The following PIGL variants were observed in gnomAD, a reference collection of about 807,000 sequenced individuals.
PIGL encodes the protein phosphatidylinositol glycan anchor biosynthesis class L.
Under a neutral mutation model 31.1 loss-of-function variants are expected in PIGL, and 22 were observed. The ratio of observed to expected loss-of-function variants is 0.71; its 90% CI spans 0.51 to 1.01. The LOEUF (loss-of-function observed/expected upper bound fraction) is 1.01. Ranked by LOEUF, PIGL falls within the 50% of genes least tolerant of loss-of-function variation. PIGL has a pLI of 0.00. For missense variants in PIGL, 302 were observed against 315.9 expected (o/e 0.96, Z 0.33); for synonymous variants, 131 against 117.4 (o/e 1.12, Z -0.75).
chr17:16,242,174 C>G (rs1247424460), intron 2 of PIGL, among the ~76,000 whole-genome samples: 2 of 152,068 alleles, frequency 1.3e-5, no homozygotes, highest in Non-Finnish European at 2.9e-5. Context: ...CCACCTCAGC[C>G]TCCTAAGTAG....
intron 2 of PIGL, among the ~76,000 whole-genome samples, chr17:16,243,138 C>T (rs1295608185): frequency 6.6e-6 from 1 of 152,158 alleles, no homozygotes; most frequent in South Asian, 2.1e-4. Context: ...GCAACCTCCA[C>T]CTCTCGGGTT....
intron 6 of PIGL, among the ~76,000 whole-genome samples, chr17:16,322,686 G>A (rs950707823): frequency 1.3e-5 from 2 of 152,100 alleles, no homozygotes; most frequent in Non-Finnish European, 2.9e-5. Flanking sequence ...AAATTCATTT[G>A]TAACTCCAAA....
At chr17:16,217,678 T>C (rs1431521531) in intron 1 of PIGL, 2 of 552,874 alleles carry the variant, frequency 3.6e-6, no homozygotes, top group Non-Finnish European at 6.5e-6. Context: ...GCCAGCAGGA[T>C]TGAGGAGCAG....
At chr17:16,322,453 T>TA (rs937778210) in intron 6 of PIGL, among the ~76,000 whole-genome samples, 11 of 150,302 alleles carry the variant, frequency 7.3e-5, no homozygotes, top group East Asian at 1.9e-4. Context: ...TTTCAATCTT[T>TA]AAAAAAAAAA....
At chr17:16,291,545 A>G (rs1337669453) in intron 2 of PIGL, among the ~76,000 whole-genome samples, 1 of 145,336 alleles carries the variant, frequency 6.9e-6, no homozygotes, top group Non-Finnish European at 1.5e-5. Flanking sequence ...AATTATATGG[A>G]TTTTTCAGGG....
In PIGL at chr17:16,303,718, T is replaced by C. The variant is rs1600845585; in HGVS notation, c.426+3740T>C. On this transcript the variant is annotated intron_variant, in intron 3 of 6. Coordinates refer to ENST00000225609, the MANE Select transcript of PIGL (RefSeq NM_004278.4). ...CACGCCCAGCTCATTTTTGTATTTT[T>C]TTTTTTCTTTTTTTGAGACAGAGTC... 2.6e-5 allele frequency among the ~76,000 whole-genome samples: 4 copies of C among 151,370 alleles called. No homozygotes were observed. The South Asian group carries it at 8.4e-4, about 32-fold the overall frequency.
intron 6 of PIGL, among the ~76,000 whole-genome samples, chr17:16,320,224 AGG>A (rs1239746777): frequency 3.7e-5 from 4 of 107,606 alleles, no homozygotes; most frequent in African/African-American, 1.1e-4. Flanking sequence ...GAAGGAAGGA[AGG>A]AAGGAAGGAA....
intron 2 of PIGL, among the ~76,000 whole-genome samples, chr17:16,267,952 G>T (rs1342766052): frequency 6.6e-6 from 1 of 152,144 alleles, no homozygotes; most frequent in African/African-American, 2.4e-5. Context: ...CAGACAAAGA[G>T]CAGACTCTTT....
intron 2 of PIGL, among the ~76,000 whole-genome samples, chr17:16,235,823 C>G (rs2092697718): frequency 7.7e-6 from 1 of 130,508 alleles, no homozygotes; most frequent in Admixed American, 9.1e-5. Context: ...AAGAATATTT[C>G]ATAGGCTGTA....
intron 2 of PIGL, among the ~76,000 whole-genome samples, chr17:16,281,681 GT>G (rs1340208915): frequency 1.3e-5 from 2 of 152,210 alleles, no homozygotes; most frequent in Non-Finnish European, 2.9e-5. Flanking sequence ...TTAATGCTTA[GT>G]TCCTTGCCTA....
At position 16,313,547 on chromosome 17, in the gene PIGL, G is replaced by T; in HGVS notation, c.427G>T (p.Val143Leu). 3.7e-6 allele frequency: 6 copies of T among 1,612,456 alleles called. No individual in the cohort carries two copies. The highest frequency in any genetic ancestry group is 5.1e-6 in the Non-Finnish European group (6 of 1,178,430). ...QHIEVNGINL[V>L]VTFDAGGVSG... Reference sequence around the variant, plus strand: ...GTGAAAACCCTGTGTTTCTCTACAGGTGGTGACTTTCGATGCAGGGGGAGT... The same window carrying T: ...GTGAAAACCCTGTGTTTCTCTACAGTTGGTGACTTTCGATGCAGGGGGAGT... Residue 143 changes from valine (V) to leucine (L), a missense_variant and splice_region_variant, in exon 4 of 7, where the codon GTG (valine) becomes TTG (leucine). Physicochemically the swap from Val to Leu is conservative, Grantham distance 32 (BLOSUM62 1). Transcript: ENST00000225609.
At chr17:16,229,858 A>ATTC (rs774737279) in intron 1 of PIGL, among the ~76,000 whole-genome samples, 1 of 97,700 alleles carries the variant, frequency 1.0e-5, no homozygotes, top group African/African-American at 4.3e-5. Context: ...TAAAGTCATG[A>ATTC]TTTTTTTTTT....
chr17:16,264,789 G>A (rs539114564), intron 2 of PIGL, among the ~76,000 whole-genome samples: 16 of 151,340 alleles, frequency 1.1e-4, no homozygotes, highest in African/African-American at 2.9e-4. Context: ...TGGGATTACA[G>A]GTGCCCACCA....
In PIGL at chr17:16,246,672, C is replaced by CTTTTTTTTTTTT. The variant is rs1197171634; in HGVS notation, c.335+12615_335+12626dup. On this transcript the variant is annotated intron_variant, in intron 2 of 6. Transcript: ENST00000225609. ...GCAGGCTAGAAGTCCAGATCAAGGT[C>CTTTTTTTTTTTT]TTTTTTTTTTTTTTTTTTTTTTTTG... 4.7e-3 allele frequency among the ~76,000 whole-genome samples: 300 copies of CTTTTTTTTTTTT among 64,168 alleles called. 68 individuals are homozygous for CTTTTTTTTTTTT. Among genetic ancestry groups the CTTTTTTTTTTTT allele is most frequent in the African/African-American group, 8.8e-3 (154 of 17,428 alleles). 42.1% of individuals were successfully genotyped at this position (64,168 alleles called of 152,430 possible).
rs1240655455 is a variant in PIGL, at chr17:16,264,319, T to C, written c.335+30249T>C. 2.6e-5 allele frequency among the ~76,000 whole-genome samples: 4 copies of C among 151,886 alleles called. No homozygotes were observed. The South Asian group carries it at 8.3e-4, about 32-fold the overall frequency. On this transcript the variant is annotated intron_variant, in intron 2 of 6. Coordinates refer to ENST00000225609, the MANE Select transcript of PIGL (RefSeq NM_004278.4). The stretch of plus-strand genomic sequence containing the variant: ...CTCTGGGTATGGCCTTAATCTTTTG[T>C]ATTTTTAGTAGAGACGAGGTTTCAC...
chr17:16,252,735 TTGA>T (rs1338388364), intron 2 of PIGL, among the ~76,000 whole-genome samples: 1 of 152,176 alleles, frequency 6.6e-6, no homozygotes, highest in Non-Finnish European at 1.5e-5. Context: ...AATATTTTAT[TTGA>T]TAAGTTCAAA....
intron 2 of PIGL, among the ~76,000 whole-genome samples, chr17:16,266,682 G>A (rs995029595): frequency 7.2e-5 from 11 of 151,738 alleles, no homozygotes; most frequent in Non-Finnish European, 1.2e-4. Context: ...TGCAAGCTCC[G>A]CGTCCCAGGT....
intron 2 of PIGL, among the ~76,000 whole-genome samples, chr17:16,259,610 A>G (rs1201977119): frequency 6.6e-6 from 1 of 152,230 alleles, no homozygotes; most frequent in East Asian, 1.9e-4. Context: ...TATAAAGACT[A>G]AAACTATAAA....
chr17:16,313,504 T>C (rs967415729), intron 3 of PIGL, 43 bp from the exon 4 acceptor site: 9 of 1,380,272 alleles, frequency 6.5e-6, no homozygotes, highest in Non-Finnish European at 9.3e-6. Flanking sequence ...GAAGTTGAGG[T>C]GGTGGAGAAG....
Sources: gnomAD v4.1 joint callset for allele counts (sites outside exome capture counted in the v4.1 genomes callset) on GRCh38, gnomAD v4.1.1 for gene constraint, MANE v1.5 for transcripts, NCBI Gene and HGNC (gene_info 2026-07-23, HGNC 2026-07-21) for gene names.